The following CRY1 variants were observed in gnomAD, a reference collection of about 807,000 sequenced individuals.
The protein encoded by CRY1 is cryptochrome-1.
Under a neutral mutation model 76.0 loss-of-function variants are expected in CRY1, and 45 were observed. The observed-to-expected ratio is 0.59, with a 90% CI of 0.47 to 0.76. The LOEUF is 0.76. CRY1 is among the 30% of genes least tolerant of loss of function. The pLI is 0.00. For synonymous variants in CRY1, 248 were observed against 244.0 expected, an observed-to-expected ratio of 1.02 and a Z score of -0.15; for missense variants, 587 against 716.4, an observed-to-expected ratio of 0.82 and a Z score of 2.06.
chr12:107,019,166 T>C (rs931242445), intron 2 of CRY1, among the ~76,000 whole-genome samples: 1 of 152,086 alleles, frequency 6.6e-6, no homozygotes, highest in Non-Finnish European at 1.5e-5. Flanking sequence ...GTTGTGATGG[T>C]TAGGGTGAAG....
At chr12:107,060,213 A>G (rs1953030615) in intron 1 of CRY1, among the ~76,000 whole-genome samples, 2 of 152,240 alleles carry the variant, frequency 1.3e-5, no homozygotes, top group African/African-American at 4.8e-5. Context: ...TGTCCCCCAA[A>G]AAGCACATGT....
intron 1 of CRY1, among the ~76,000 whole-genome samples, chr12:107,022,593 G>T (rs1373867887): frequency 2.6e-5 from 4 of 151,200 alleles, no homozygotes; most frequent in African/African-American, 9.7e-5. Flanking sequence ...TCTGCTGGGG[G>T]GAAAAAACCA....
intron 1 of CRY1, among the ~76,000 whole-genome samples, chr12:107,047,469 T>C (rs530019799): frequency 1.3e-5 from 2 of 152,316 alleles, no homozygotes; most frequent in African/African-American, 4.8e-5. Flanking sequence ...GTAGTTCCCA[T>C]AATCCCAAAG....
chr12:107,008,469 A>T (rs1245854462), intron 2 of CRY1, among the ~76,000 whole-genome samples: 5 of 152,218 alleles, frequency 3.3e-5, no homozygotes, highest in Admixed American at 2.0e-4. Flanking sequence ...TGCTATGATA[A>T]AGAATACGGG....
In CRY1 at chr12:106,998,022, A is replaced by C. The variant is rs984987364; in HGVS notation, c.1182T>G (p.Ala394=). ...TACAAGACAGCCACATCCAACTTCC[A>C]GCATTTATGCTCCAATCTGCATCAA... ...LLLDADWSIN[A]GSWMWLSCSS... The change falls in exon 8 of 13, where the codon GCT becomes GCG. Residue 394 remains alanine (A), a synonymous_variant. Transcript: ENST00000008527. 6.2e-7 allele frequency: 1 copy of C among 1,614,052 alleles called. No individual in the cohort carries two copies. Among genetic ancestry groups the C allele is most frequent in the African/African-American group, 1.3e-5 (1 of 74,950 alleles).
chr12:107,040,066 G>A (rs1254536517), intron 1 of CRY1, among the ~76,000 whole-genome samples: 1 of 152,048 alleles, frequency 6.6e-6, no homozygotes, highest in Non-Finnish European at 1.5e-5. Context: ...TGAACCTTGA[G>A]GACATTATGC....
intron 1 of CRY1, among the ~76,000 whole-genome samples, chr12:107,037,560 T>C (rs1446428128): frequency 6.6e-6 from 1 of 151,892 alleles, no homozygotes; most frequent in Non-Finnish European, 1.5e-5. Context: ...GATGTTCAGG[T>C]TCTACTGGGA....
At chr12:107,047,132 A>G (rs998779612) in intron 1 of CRY1, among the ~76,000 whole-genome samples, 2 of 152,210 alleles carry the variant, frequency 1.3e-5, no homozygotes, top group African/African-American at 4.8e-5. Flanking sequence ...AGGTCACAAA[A>G]CAAGACACAA....
rs576461755 is a variant in CRY1, at chr12:107,012,536, G to C, written c.268-7288C>G. 4.7e-4 allele frequency among the ~76,000 whole-genome samples: 72 copies of C among 152,304 alleles called. No individual in the cohort carries two copies. The South Asian group carries it at 0.015, about 32-fold the overall frequency. On this transcript the variant is annotated intron_variant, in intron 2 of 12. Transcript: ENST00000008527. ...CAAAAGTTCCAATGGAGATTTATTA[G>C]GGAGATTAACATTGTTTTCATTCCT...
chr12:107,009,601 T>A (rs1209276522), intron 2 of CRY1, among the ~76,000 whole-genome samples: 1 of 18,314 alleles, frequency 5.5e-5, no homozygotes, highest in Non-Finnish European at 9.9e-5. Flanking sequence ...TATATATATA[T>A]AAAATCTCTA....
At chr12:107,040,287 GTT>G (rs58899017) in intron 1 of CRY1, among the ~76,000 whole-genome samples, 5,019 of 117,456 alleles carry the variant, frequency 0.043, 129 homozygotes, top group African/African-American at 0.11. Flanking sequence ...TTTTTTTTTA[GTT>G]TTTTTTTTTT....
At chr12:107,062,899 CATTAATG>C (rs1363321056) in intron 1 of CRY1, among the ~76,000 whole-genome samples, 1 of 152,160 alleles carries the variant, frequency 6.6e-6, no homozygotes, top group Non-Finnish European at 1.5e-5. Flanking sequence ...CTAAAACATT[CATTAATG>C]ATTAAGTTTT....
At chr12:107,050,452 C>T (rs1766584127) in intron 1 of CRY1, 1 of 152,146 alleles carries the variant, frequency 6.6e-6, no homozygotes, top group Non-Finnish European at 1.5e-5. Context: ...AGTTTTCACT[C>T]TATTAGTTCA....
intron 1 of CRY1, among the ~76,000 whole-genome samples, chr12:107,047,474 C>A (rs547015946): frequency 9.9e-5 from 15 of 152,166 alleles, no homozygotes; most frequent in Admixed American, 9.8e-4. Flanking sequence ...TCCCATAATC[C>A]CAAAGTGTCA....
chr12:107,063,314 G>T (rs899426398), intron 1 of CRY1, among the ~76,000 whole-genome samples: 2 of 152,158 alleles, frequency 1.3e-5, no homozygotes, highest in African/African-American at 2.4e-5. Flanking sequence ...TATTAATTAA[G>T]AAATAAATTT....
Position 107,013,334 on chromosome 12 carries a change from T to C in CRY1, c.268-8086A>G, listed in dbSNP as rs569467723. ...TCCACCAGCAAAAAAGATTATGACT[T>C]GCTGAAGGCTTAGATGATCACTAGC... On this transcript the variant is annotated intron_variant, in intron 2 of 12. Coordinates refer to ENST00000008527, the MANE Select transcript of CRY1 (RefSeq NM_004075.5). Among the ~76,000 whole-genome samples, 41 of 152,348 alleles carry C rather than the reference T, an allele frequency of 2.7e-4. 1 individual carries two copies. The highest frequency in any genetic ancestry group is 9.9e-4 in the African/African-American group (41 of 41,580).
At chr12:107,037,384 T>G (rs181947522) in intron 1 of CRY1, among the ~76,000 whole-genome samples, 232 of 152,036 alleles carry the variant, frequency 1.5e-3, no homozygotes, top group African/African-American at 5.1e-3. Flanking sequence ...ATACAAAAAT[T>G]AGCCAGGCGT....
At chr12:107,078,083 A>G (rs1298049902) in intron 1 of CRY1, among the ~76,000 whole-genome samples, 1 of 152,214 alleles carries the variant, frequency 6.6e-6, no homozygotes, top group African/African-American at 2.4e-5. Flanking sequence ...CTGATTTACT[A>G]TTTCTCAACT....
chr12:107,001,995 A>G, intron 3 of CRY1, 47 bp from the exon 4 acceptor site: 2 of 1,487,804 alleles, frequency 1.3e-6, no homozygotes, highest in Non-Finnish European at 1.8e-6. Flanking sequence ...AAAAGACAAT[A>G]CATTTTGGCT....
Sources: allele counts gnomAD v4.1 joint callset (sites outside exome capture counted in the v4.1 genomes callset), GRCh38; gene constraint gnomAD v4.1.1; transcripts MANE v1.5; gene names NCBI Gene and HGNC (gene_info 2026-07-23, HGNC 2026-07-21).